Variants in RGS6 observed in about 807,000 individuals in gnomAD.
RGS6 encodes the protein regulator of G protein signaling 6.
In RGS6, 30 loss-of-function variants were observed where a neutral mutation model predicts 78.5. The observed-to-expected ratio is 0.38, with a 90% CI of 0.29 to 0.52. The LOEUF (loss-of-function observed/expected upper bound fraction) is 0.52. Ranked by LOEUF, RGS6 falls within the 20% of genes least tolerant of loss-of-function variation. RGS6 has a pLI of 0.85. For synonymous variants in RGS6, 206 were observed against 206.0 expected (o/e 1.00, Z 0.00); for missense variants, 495 against 609.7 (o/e 0.81, Z 1.98).
intron 2 of RGS6, among the ~76,000 whole-genome samples, chr14:72,119,469 A>G (rs1376921011): frequency 2.0e-5 from 3 of 152,236 alleles, no homozygotes; most frequent in Admixed American, 6.5e-5. Context: ...TGAAAGGTCA[A>G]TGATGAAGGT....
chr14:71,990,550 T>TG (rs1351197630), intron 2 of RGS6: 1 of 454,636 alleles, frequency 2.2e-6, no homozygotes, highest in East Asian at 7.0e-5. Flanking sequence ...TTTTAAGTAG[T>TG]GGAGAGGATC....
the RGS6 span, among the ~76,000 whole-genome samples, chr14:72,601,373 C>T: frequency 1.3e-5 from 2 of 152,206 alleles, no homozygotes; most frequent in Admixed American, 1.3e-4. Flanking sequence ...CAACCCTCCC[C>T]TGCTCAGGAC....
At chr14:72,206,307 A>C (rs1391226922) in intron 2 of RGS6, among the ~76,000 whole-genome samples, 1 of 152,202 alleles carries the variant, frequency 6.6e-6, no homozygotes, top group Non-Finnish European at 1.5e-5. Flanking sequence ...CTCTAAAAAA[A>C]TAAACAGCCC....
intron 1 of RGS6, among the ~76,000 whole-genome samples, chr14:71,959,839 C>G (rs1418957443): frequency 6.6e-6 from 1 of 152,130 alleles, no homozygotes; most frequent in Non-Finnish European, 1.5e-5. Flanking sequence ...AGTGTCTTCC[C>G]TCTTCAAAAG....
Position 72,434,601 on chromosome 14 carries a change from G to C in RGS6, c.185-19927G>C, listed in dbSNP as rs770184917. 2.6e-4 allele frequency among the ~76,000 whole-genome samples: 40 copies of C among 152,176 alleles called. 1 individual carries two copies. The highest frequency in any genetic ancestry group is 1.0e-4 in the Non-Finnish European group (7 of 68,032). Reference sequence around the variant, plus strand: ...ATCTTGCCCAGGCTGATCTCAACAAGTAAACATTAGTTTATTCATCTGTCT... The same window carrying C: ...ATCTTGCCCAGGCTGATCTCAACAACTAAACATTAGTTTATTCATCTGTCT... On this transcript the variant is annotated intron_variant, in intron 3 of 17. Coordinates refer to ENST00000553525, the MANE Select transcript of RGS6 (RefSeq NM_001204424.2).
At chr14:71,941,914 T>C (rs1190769889) in intron 1 of RGS6, among the ~76,000 whole-genome samples, 1 of 152,184 alleles carries the variant, frequency 6.6e-6, no homozygotes, top group Non-Finnish European at 1.5e-5. Flanking sequence ...TGTTTGACTT[T>C]TCACAGGCTT....
chr14:72,022,672 C>T (rs1322397150), intron 2 of RGS6, among the ~76,000 whole-genome samples: 1 of 151,404 alleles, frequency 6.6e-6, no homozygotes, highest in Non-Finnish European at 1.5e-5. Context: ...ACATACCCTG[C>T]TGTGGAGCAC....
intron 2 of RGS6, among the ~76,000 whole-genome samples, chr14:71,965,253 A>G (rs1291562351): frequency 1.3e-5 from 2 of 152,232 alleles, no homozygotes; most frequent in African/African-American, 4.8e-5. Context: ...GTATATTTGT[A>G]TGAGATGCTT....
the RGS6 span, among the ~76,000 whole-genome samples, chr14:71,909,394 A>G: frequency 6.6e-6 from 1 of 152,148 alleles, no homozygotes; most frequent in Non-Finnish European, 1.5e-5. Flanking sequence ...AGAAAACTGG[A>G]TGCAATTTAG....
chr14:72,399,597 C>T (rs1028603032), intron 3 of RGS6, among the ~76,000 whole-genome samples: 35 of 152,036 alleles, frequency 2.3e-4, no homozygotes, highest in South Asian at 1.2e-3. Context: ...TTATTTTGCT[C>T]GTTAGTTGAT....
At chr14:72,485,567 C>G (rs913744181) in intron 12 of RGS6, among the ~76,000 whole-genome samples, 1 of 152,248 alleles carries the variant, frequency 6.6e-6, no homozygotes, top group African/African-American at 2.4e-5. Flanking sequence ...ACCTCTCTGG[C>G]TAGTTCTACA....
chr14:71,996,589 G>A (rs17105531), intron 2 of RGS6, among the ~76,000 whole-genome samples: 2,330 of 152,232 alleles, frequency 0.015, 48 homozygotes, highest in African/African-American at 0.052. Context: ...TTGATCTAAT[G>A]TCCCAGTAAA....
At chr14:72,348,962 C>G (rs572381935) in intron 2 of RGS6, among the ~76,000 whole-genome samples, 53 of 151,922 alleles carry the variant, frequency 3.5e-4, no homozygotes, top group Middle Eastern at 3.4e-3. Context: ...GTCAGGAGAT[C>G]GAGACCATCC....
the RGS6 span, among the ~76,000 whole-genome samples, chr14:72,574,948 C>T: frequency 1.3e-5 from 2 of 152,050 alleles, no homozygotes; most frequent in African/African-American, 4.8e-5. Flanking sequence ...TGTGATGCTA[C>T]AGTAGGATGG....
At chr14:72,434,838 G>A (rs1379219984) in intron 3 of RGS6, among the ~76,000 whole-genome samples, 2 of 152,180 alleles carry the variant, frequency 1.3e-5, no homozygotes, top group African/African-American at 4.8e-5. Flanking sequence ...TAAACCAAGT[G>A]CTTTTTAACC....
rs75717464 is a variant in RGS6 at position 72,078,994 on chromosome 14, T to C, written c.84+114119T>C. 2.4e-3 allele frequency among the ~76,000 whole-genome samples: 363 copies of C among 152,288 alleles called. 3 individuals carry two copies. The highest frequency in any genetic ancestry group is 8.4e-3 in the African/African-American group (349 of 41,560). ...TTGTTAACTCAGTTAAATATATCTA[T>C]TTTGCCAATGCTCATCTTCCTATTT... On this transcript the variant is annotated intron_variant, in intron 2 of 17. Transcript: ENST00000553525.
chr14:72,531,187 C>T (rs900792249), intron 15 of RGS6, among the ~76,000 whole-genome samples: 1 of 152,126 alleles, frequency 6.6e-6, no homozygotes. Flanking sequence ...AATCCCAGCA[C>T]TTTGGGAGGC....
rs751277874 is a variant in RGS6, at chr14:72,352,172, C to T, written c.162C>T (p.Ser54=). Residue 54 remains serine, a synonymous_variant, in exon 3 of 18, where the codon TCC becomes TCT. Transcript: ENST00000553525. ...VPIRTVKSFL[S]KIPSVVTGTD... is the part of the protein sequence containing the mutation. ...TCAGAACAGTCAAGAGCTTTCTCTCCAAAATCCCCAGTGTCGTCACAGGTA... is the reference window on the plus strand; with the variant it reads ...TCAGAACAGTCAAGAGCTTTCTCTCTAAAATCCCCAGTGTCGTCACAGGTA... 2.5e-6 allele frequency: 4 copies of T among 1,613,028 alleles called. No homozygotes were observed. In the East Asian group the frequency reaches 8.9e-5, roughly 36 times the overall value.
At chr14:72,338,753 G>C (rs1239296149) in intron 2 of RGS6, among the ~76,000 whole-genome samples, 2 of 152,218 alleles carry the variant, frequency 1.3e-5, no homozygotes, top group Non-Finnish European at 2.9e-5. Context: ...CCCAGCTGCT[G>C]TCCTCTGGGA....
Sources: allele counts gnomAD v4.1 joint callset (sites outside exome capture counted in the v4.1 genomes callset), GRCh38; gene constraint gnomAD v4.1.1; transcripts MANE v1.5; gene names NCBI Gene and HGNC (gene_info 2026-07-23, HGNC 2026-07-21).